KLHL29: variants seen among roughly 807,000 people sequenced by gnomAD.
The protein encoded by KLHL29 is kelch like family member 29.
Under a neutral mutation model 80.4 loss-of-function variants are expected in KLHL29, and 21 were observed. The ratio of observed to expected loss-of-function variants is 0.26; its 90% CI spans 0.19 to 0.38. The LOEUF (loss-of-function observed/expected upper bound fraction) is 0.38, where lower values mean the gene tolerates loss of function less well. Among genes scored for constraint, KLHL29 ranks in the 10% least tolerant of loss-of-function variants. The pLI is 1.00. For missense variants in KLHL29, 867 were observed against 1,223.9 expected, an observed-to-expected ratio of 0.71 and a Z score of 4.35; for synonymous variants, 511 against 526.8, an observed-to-expected ratio of 0.97 and a Z score of 0.41.
At chr2:23,604,231 G>A (rs1253384595) in intron 3 of KLHL29, among the ~76,000 whole-genome samples, 2 of 151,876 alleles carry the variant, frequency 1.3e-5, no homozygotes, top group Admixed American at 6.6e-5. Flanking sequence ...GGCCTCCCGA[G>A]TAGCTGGGAC....
At chr2:23,612,714 C>G (rs1184963435) in intron 3 of KLHL29, among the ~76,000 whole-genome samples, 2 of 152,088 alleles carry the variant, frequency 1.3e-5, no homozygotes, top group African/African-American at 4.8e-5. Context: ...TGCACTCCAG[C>G]CTGGGCAACA....
Position 23,696,222 on chromosome 2 carries a change from A to C in KLHL29, c.1924+89A>C. ...TCAGGGCTGAGGAAGGCCATGGCCC[A>C]GAAGTGTCTACTTTGCAGGTGAAGC... On this transcript the variant is annotated intron_variant, in intron 10 of 13. Transcript: ENST00000486442. This position sits in a 1 kb window ranked among gnomAD's most constrained non-coding sequence, Gnocchi z 5.5. 6.7e-7 allele frequency: 1 copy of C among 1,490,218 alleles called. No individual in the cohort carries two copies. Among genetic ancestry groups the C allele is most frequent in the Non-Finnish European group, 9.1e-7 (1 of 1,101,262 alleles). 92.3% of individuals were successfully genotyped at this position (1,490,218 alleles called of 1,614,324 possible).
chr2:23,397,925 C>T (rs1205853790), intron 1 of KLHL29, among the ~76,000 whole-genome samples: 1 of 152,238 alleles, frequency 6.6e-6, no homozygotes, highest in Non-Finnish European at 1.5e-5. Flanking sequence ...ACTTCACGTC[C>T]ATTAACGTGA....
At chr2:23,628,027 C>T (rs1167946955) in intron 3 of KLHL29, among the ~76,000 whole-genome samples, 1 of 150,500 alleles carries the variant, frequency 6.6e-6, no homozygotes, top group Non-Finnish European at 1.5e-5. Context: ...GTTCTGCTGC[C>T]TCAGCCTCCC....
At chr2:23,698,487 G>A (rs1486824750) in intron 11 of KLHL29, among the ~76,000 whole-genome samples, 2 of 152,194 alleles carry the variant, frequency 1.3e-5, no homozygotes, top group Non-Finnish European at 2.9e-5. Context: ...GGACAGACAC[G>A]AGGGGGCTTT....
intron 3 of KLHL29, among the ~76,000 whole-genome samples, chr2:23,567,350 C>T (rs1213217899): frequency 6.6e-6 from 1 of 152,190 alleles, no homozygotes; most frequent in Non-Finnish European, 1.5e-5. Flanking sequence ...ACATTCCCAT[C>T]GTCCCTCAGA....
At chr2:23,626,261 C>T (rs1184819854) in intron 3 of KLHL29, among the ~76,000 whole-genome samples, 6 of 152,208 alleles carry the variant, frequency 3.9e-5, no homozygotes, top group Admixed American at 3.9e-4. Flanking sequence ...GGAGGCGGAG[C>T]TCAGGCAGTA....
intron 1 of KLHL29, among the ~76,000 whole-genome samples, chr2:23,458,393 A>G (rs1049061842): frequency 2.6e-5 from 4 of 152,248 alleles, no homozygotes; most frequent in African/African-American, 7.2e-5. Context: ...TAGACAATAC[A>G]TAAACACATG....
In KLHL29 at chr2:23,404,352, A is replaced by C. The variant is rs1192685806; in HGVS notation, c.-154+18572A>C. On this transcript the variant is annotated intron_variant, in intron 1 of 13. Transcript: ENST00000486442. The stretch of plus-strand genomic sequence containing the variant: ...ATTATCTTTGTGATGATGCTGTTTA[A>C]GATAATCAGAACTTGCATTGCTAAG... Among the ~76,000 whole-genome samples the C allele has an allele frequency of 2.0e-5, 3 of 152,336 alleles. No individual in the cohort carries two copies. The South Asian group carries it at 6.2e-4, about 32-fold the overall frequency.
intron 2 of KLHL29, among the ~76,000 whole-genome samples, chr2:23,487,292 A>C (rs879392432): frequency 6.6e-6 from 1 of 152,124 alleles, no homozygotes; most frequent in Non-Finnish European, 1.5e-5. Context: ...TGTTGTAGTG[A>C]GGCTTCTAGT....
At chr2:23,403,709 CAA>C (rs1235463165) in intron 1 of KLHL29, among the ~76,000 whole-genome samples, 11 of 114,990 alleles carry the variant, frequency 9.6e-5, no homozygotes, top group Non-Finnish European at 1.9e-4. Flanking sequence ...AGATGAAACC[CAA>C]AGAGAGAGAG....
chr2:23,601,479 C>G (rs143656336), intron 3 of KLHL29, among the ~76,000 whole-genome samples: 234 of 152,286 alleles, frequency 1.5e-3, no homozygotes, highest in African/African-American at 5.5e-3. Context: ...CAAGCCTCCC[C>G]CTCTGTGGTT....
At chr2:23,431,769 C>T (rs1481154899) in intron 1 of KLHL29, among the ~76,000 whole-genome samples, 2 of 151,696 alleles carry the variant, frequency 1.3e-5, no homozygotes, top group Non-Finnish European at 2.9e-5. Flanking sequence ...TGGCGGGCGC[C>T]TGTAGTCCCA....
At chr2:23,627,579 C>T (rs981343475) in intron 3 of KLHL29, among the ~76,000 whole-genome samples, 5 of 152,164 alleles carry the variant, frequency 3.3e-5, no homozygotes, top group African/African-American at 1.2e-4. Flanking sequence ...GTAGCTCCTT[C>T]GGTGCACCTT....
At chr2:23,624,933 A>C (rs951691912) in intron 3 of KLHL29, among the ~76,000 whole-genome samples, 2 of 152,224 alleles carry the variant, frequency 1.3e-5, no homozygotes, top group African/African-American at 4.8e-5. Context: ...TTATAGATGA[A>C]GGAGAGAAGC....
In KLHL29 at chr2:23,490,946, A is replaced by T. The variant is rs554423663; in HGVS notation, c.-46+15279A>T. On this transcript the variant is annotated intron_variant, in intron 2 of 13. Transcript: ENST00000486442. Reference sequence around the variant, plus strand: ...CCTTCTTTACATCAGATTTTTTTTTACCTAATATGATTTTTTTTTATTTTA... The same window carrying T: ...CCTTCTTTACATCAGATTTTTTTTTTCCTAATATGATTTTTTTTTATTTTA... Among the ~76,000 whole-genome samples, 3 of 151,538 alleles carry T rather than the reference A, an allele frequency of 2.0e-5. 1 individual carries two copies. The South Asian group carries it at 6.3e-4, about 32-fold the overall frequency.
At chr2:23,496,029 A>G (rs1482115262) in intron 2 of KLHL29, among the ~76,000 whole-genome samples, 1 of 152,198 alleles carries the variant, frequency 6.6e-6, no homozygotes. Context: ...CCAGTCACCT[A>G]TGGCATGACC....
intron 5 of KLHL29, among the ~76,000 whole-genome samples, chr2:23,676,206 CAG>C (rs1670917079): frequency 6.6e-6 from 1 of 151,340 alleles, no homozygotes; most frequent in Non-Finnish European, 1.5e-5. Context: ...TTTTTTGAGA[CAG>C]AGTCTGCTCT....
chr2:23,655,505 G>A (rs1009692127), intron 5 of KLHL29, among the ~76,000 whole-genome samples: 4 of 152,184 alleles, frequency 2.6e-5, no homozygotes, highest in African/African-American at 9.7e-5. Flanking sequence ...ATCTAGCATG[G>A]CCTACGGCTC....
Sources: allele counts gnomAD v4.1 joint callset (sites outside exome capture counted in the v4.1 genomes callset), GRCh38; gene constraint gnomAD v4.1.1; non-coding constraint Gnocchi (gnomAD v3.1); transcripts MANE v1.5; gene names NCBI Gene and HGNC (gene_info 2026-07-23, HGNC 2026-07-21).